ATG5: variants seen among roughly 807,000 people sequenced by gnomAD.
The protein encoded by ATG5 is autophagy protein 5.
ATG5 carries 14 observed loss-of-function variants against 36.5 expected under a neutral mutation model. The observed-to-expected ratio is 0.38, with a 90% CI of 0.25 to 0.60. The LOEUF is 0.60. Among genes scored for constraint, ATG5 ranks in the 20% least tolerant of loss-of-function variants. The pLI, the probability that ATG5 is intolerant of heterozygous loss-of-function variation, is 0.60. For missense variants in ATG5, 195 were observed against 326.7 expected, an observed-to-expected ratio of 0.60 and a Z score of 3.11; for synonymous variants, 95 against 101.5, an observed-to-expected ratio of 0.94 and a Z score of 0.38.
chr6:106,217,877 C>T (rs478310), intron 6 of ATG5, among the ~76,000 whole-genome samples: 6,726 of 152,170 alleles, frequency 0.044, 414 homozygotes, highest in East Asian at 0.25. Context: ...AACAGTATTT[C>T]AGATTGAGAT....
chr6:106,227,005 CAGA>C (rs1331698283), intron 6 of ATG5, among the ~76,000 whole-genome samples: 2 of 151,874 alleles, frequency 1.3e-5, no homozygotes, highest in African/African-American at 4.8e-5. Context: ...ATGAGAGGCC[CAGA>C]AGAAGATGCA....
At chr6:106,305,357 G>A (rs1770403804) in intron 3 of ATG5, among the ~76,000 whole-genome samples, 1 of 152,076 alleles carries the variant, frequency 6.6e-6, no homozygotes, top group African/African-American at 2.4e-5. Context: ...CTTCATCTAT[G>A]TCCTACCAAC....
At chr6:106,265,795 C>T (rs925241421) in intron 5 of ATG5, among the ~76,000 whole-genome samples, 2 of 151,990 alleles carry the variant, frequency 1.3e-5, no homozygotes, top group African/African-American at 4.8e-5. Context: ...GCTTTGAAAT[C>T]AATGAGAAAA....
At chr6:106,200,954 A>G (rs1386834943) in intron 7 of ATG5, among the ~76,000 whole-genome samples, 1 of 152,200 alleles carries the variant, frequency 6.6e-6, no homozygotes, top group Non-Finnish European at 1.5e-5. Flanking sequence ...TGAGGATACC[A>G]AAATCCACCC....
chr6:106,188,562 T>C lies in ATG5; in HGVS notation c.692-1886A>G, dbSNP rs528847357. On this transcript the variant is annotated intron_variant, in intron 7 of 7. Transcript: ENST00000369076. ...TACAATATGGTAAACAATCCACTGA[T>C]GATGCACAGTGTATCTGAAAGGCAA... Among the ~76,000 whole-genome samples, 3 of 152,302 alleles carry C rather than the reference T, an allele frequency of 2.0e-5. No individual in the cohort carries two copies. In the South Asian group the frequency reaches 6.2e-4, roughly 32 times the overall value.
intron 6 of ATG5, among the ~76,000 whole-genome samples, chr6:106,228,896 C>T (rs1777551906): frequency 6.6e-6 from 1 of 152,232 alleles, no homozygotes; most frequent in Non-Finnish European, 1.5e-5. Flanking sequence ...AGCCAGCTTC[C>T]ACTTTCAATT....
At position 106,221,830 on chromosome 6, in the gene ATG5, T is replaced by C. The variant is rs114265687; in HGVS notation, c.574-19741A>G. ...AAAAAGGTGAGGATGAGAAAGAAAA[T>C]AGTAAGTCAGTAAGGTCAATTTTTA... On this transcript the variant is annotated intron_variant, in intron 6 of 7. Transcript: ENST00000369076. Among the ~76,000 whole-genome samples the C allele has an allele frequency of 3.0e-3, 455 of 151,764 alleles. 2 individuals carry two copies. Among genetic ancestry groups the C allele is most frequent in the African/African-American group, 0.01 (424 of 41,342 alleles).
intron 5 of ATG5, among the ~76,000 whole-genome samples, chr6:106,265,962 C>G (rs1490905124): frequency 1.3e-5 from 2 of 149,664 alleles, no homozygotes; most frequent in Non-Finnish European, 3.0e-5. Context: ...CAAACAAATT[C>G]AAAAGCTAGC....
At chr6:106,306,743 ACT>A (rs776271765) in intron 3 of ATG5, among the ~76,000 whole-genome samples, 60 of 152,250 alleles carry the variant, frequency 3.9e-4, no homozygotes, top group South Asian at 8.3e-4. Flanking sequence ...ACTCTCCCAC[ACT>A]GTTTCCCCGT....
intron 4 of ATG5, among the ~76,000 whole-genome samples, chr6:106,284,396 A>G (rs1779996958): frequency 6.6e-6 from 1 of 152,040 alleles, no homozygotes; most frequent in Non-Finnish European, 1.5e-5. Context: ...CACTCTTGTC[A>G]CCCAGGCTGG....
chr6:106,300,069 T>C (rs1298238076), intron 3 of ATG5, among the ~76,000 whole-genome samples: 1 of 152,196 alleles, frequency 6.6e-6, no homozygotes, highest in Non-Finnish European at 1.5e-5. Flanking sequence ...TTCTTATATA[T>C]GAAAAAGTTC....
chr6:106,219,945 T>C (rs1455555531), intron 6 of ATG5, among the ~76,000 whole-genome samples: 1 of 152,156 alleles, frequency 6.6e-6, no homozygotes, highest in Non-Finnish European at 1.5e-5. Context: ...AAGCGACCTC[T>C]ACCAACCTGC....
chr6:106,276,464 CAAA>C (rs35078793), intron 5 of ATG5, among the ~76,000 whole-genome samples: 7 of 109,400 alleles, frequency 6.4e-5, no homozygotes, highest in Admixed American at 9.0e-5. Context: ...ACTCTGTCTC[CAAA>C]AAAAAAAAAA....
At chr6:106,316,049 T>A in intron 2 of ATG5, 52 bp downstream of exon 2, 1 of 1,454,794 alleles carries the variant, frequency 6.9e-7, no homozygotes, top group Non-Finnish European at 9.5e-7. Flanking sequence ...AGCTTTTTCT[T>A]ACAAAAATGG....
intron 5 of ATG5, among the ~76,000 whole-genome samples, chr6:106,256,979 G>A (rs761858309): frequency 2.0e-5 from 3 of 152,182 alleles, no homozygotes; most frequent in Non-Finnish European, 2.9e-5. Flanking sequence ...AAACAAACAC[G>A]TACAGCCGCA....
At position 106,188,976 on chromosome 6, in the gene ATG5, G is replaced by A. The variant is rs139810362; in HGVS notation, c.692-2300C>T. Among the ~76,000 whole-genome samples, 537 of 152,290 alleles carry A rather than the reference G, an allele frequency of 3.5e-3. 1 individual carries two copies. Among genetic ancestry groups the A allele is most frequent in the African/African-American group, 0.012 (508 of 41,572 alleles). ...GAGGGATTCTTAGAATAGGGCAGCA[G>A]AAACTTCAAACCGAAGTTTCTCTCT... On this transcript the variant is annotated intron_variant, in intron 7 of 7. Coordinates refer to ENST00000369076, the MANE Select transcript of ATG5 (RefSeq NM_004849.4).
intron 7 of ATG5, among the ~76,000 whole-genome samples, chr6:106,192,207 TTTAGG>T (rs1212177384): frequency 1.3e-5 from 2 of 152,028 alleles, no homozygotes; most frequent in African/African-American, 4.8e-5. Flanking sequence ...TTTAATAGAC[TTTAGG>T]TAAGGTTATT....
chr6:106,310,679 G>C (rs1040498632), intron 2 of ATG5, among the ~76,000 whole-genome samples: 16 of 151,978 alleles, frequency 1.1e-4, no homozygotes, highest in African/African-American at 3.9e-4. Context: ...AATGGAAACT[G>C]TACGTATTAA....
chr6:106,202,638 G>C (rs1419201145), intron 6 of ATG5, among the ~76,000 whole-genome samples: 1 of 152,144 alleles, frequency 6.6e-6, no homozygotes, highest in Non-Finnish European at 1.5e-5. Flanking sequence ...TAGGAAAGAA[G>C]TGCCATGATA....
Sources: gnomAD v4.1 joint callset for allele counts (sites outside exome capture counted in the v4.1 genomes callset) on GRCh38, gnomAD v4.1.1 for gene constraint, MANE v1.5 for transcripts, NCBI Gene and HGNC (gene_info 2026-07-23, HGNC 2026-07-21) for gene names.